Variants in APBB2 observed in about 807,000 individuals in gnomAD.
APBB2 encodes the protein Fe65-like 1.
In APBB2, 38 loss-of-function variants were observed where a neutral mutation model predicts 82.5. The observed-to-expected ratio is 0.46, with a 90% CI of 0.36 to 0.60. The LOEUF is 0.60. APBB2 is among the 20% of genes least tolerant of loss of function. APBB2 has a pLI of 0.00. For synonymous variants in APBB2, 341 were observed against 368.2 expected (o/e 0.93, Z 0.85); for missense variants, 772 against 972.3 (o/e 0.79, Z 2.74).
chr4:41,055,190 C>T (rs922291540), intron 4 of APBB2, among the ~76,000 whole-genome samples: 2 of 152,204 alleles, frequency 1.3e-5, no homozygotes, highest in Non-Finnish European at 2.9e-5. Flanking sequence ...CTTCAGATTG[C>T]AGCTCAAGCA....
intron 6 of APBB2, among the ~76,000 whole-genome samples, chr4:41,004,801 C>T (rs1806229588): frequency 7.6e-6 from 1 of 130,826 alleles, no homozygotes; most frequent in African/African-American, 3.0e-5. Flanking sequence ...CGTGCCACTG[C>T]ACTCCAGCCT....
chr4:40,924,841 C>G (rs1490302202), intron 10 of APBB2, among the ~76,000 whole-genome samples: 1 of 152,228 alleles, frequency 6.6e-6, no homozygotes, highest in Non-Finnish European at 1.5e-5. Flanking sequence ...GAACAGATAA[C>G]AGAAACAATG....
Position 40,886,476 on chromosome 4 carries a change from A to G in APBB2, c.1529+3888T>C, listed in dbSNP as rs143757116. ...GCCTGGGGAACAACAGTGAAACTCC[A>G]TCTCAAAAAGAGAAAAAAAAAACAA... is the stretch of plus-strand genomic sequence containing the variant. On this transcript the variant is annotated intron_variant, in intron 12 of 17. Transcript: ENST00000508593. Among the ~76,000 whole-genome samples the G allele has an allele frequency of 9.3e-3, 1,418 of 152,156 alleles. 22 individuals carry two copies. The highest frequency in any genetic ancestry group is 0.032 in the African/African-American group (1,340 of 41,496).
At chr4:40,971,510 T>A (rs4466078) in intron 6 of APBB2, among the ~76,000 whole-genome samples, 144,844 of 152,310 alleles carry the variant, frequency 0.95, 69,080 homozygotes, top group Middle Eastern at 0.99. Context: ...AAAATGGTTA[T>A]GTCAGCTGCT....
intron 5 of APBB2, among the ~76,000 whole-genome samples, chr4:41,023,813 G>T (rs1000660947): frequency 1.3e-5 from 2 of 152,066 alleles, no homozygotes; most frequent in African/African-American, 4.8e-5. Flanking sequence ...ATTCTTCACA[G>T]AACTAAAGAA....
At chr4:40,980,756 G>C (rs758529204) in intron 6 of APBB2, among the ~76,000 whole-genome samples, 3 of 152,126 alleles carry the variant, frequency 2.0e-5, no homozygotes, top group Non-Finnish European at 4.4e-5. Flanking sequence ...TATAGCTTTG[G>C]GTATAAGGAC....
rs1264649758 is a variant in APBB2, at chr4:40,918,675, C to CCTTCCTTCCTTCCTTCTTTCGGACGA, written c.1254+15755_1254+15780dup. 2.6e-5 allele frequency among the ~76,000 whole-genome samples: 4 copies of CCTTCCTTCCTTCCTTCTTTCGGACGA among 151,444 alleles called. No homozygotes were observed. In the East Asian group the frequency reaches 7.7e-4, roughly 29 times the overall value. On this transcript the variant is annotated intron_variant, in intron 10 of 17. Coordinates refer to ENST00000508593, the MANE Select transcript of APBB2 (RefSeq NM_004307.2). ...AATGGGGGCAGCTTTCTTTCTTTTT[C>CCTTCCTTCCTTCCTTCTTTCGGACGA]CTTCCTTCCTTCCTTCTTTCGGACG...
chr4:41,066,436 A>G (rs1184652413), intron 3 of APBB2, among the ~76,000 whole-genome samples: 2 of 152,222 alleles, frequency 1.3e-5, no homozygotes, highest in Non-Finnish European at 2.9e-5. Context: ...ACAAAGATGA[A>G]TAAGATACCA....
At chr4:40,885,749 G>C (rs1294717618) in intron 12 of APBB2, among the ~76,000 whole-genome samples, 1 of 152,178 alleles carries the variant, frequency 6.6e-6, no homozygotes, top group African/African-American at 2.4e-5. Context: ...AAATGAATGA[G>C]TTTACTAATG....
At chr4:40,857,057 G>A in intron 12 of APBB2, 11 of 985,596 alleles carry the variant, frequency 1.1e-5, no homozygotes, top group Non-Finnish European at 1.3e-5. Flanking sequence ...AAGTCGGGCG[G>A]GGATGCCGCC....
Position 41,072,367 on chromosome 4 carries a change from T to G in APBB2, c.-148-6694A>C, listed in dbSNP as rs561097697. On this transcript the variant is annotated intron_variant, in intron 3 of 17. Transcript: ENST00000508593. ...CTCAAAGGCAGATGGCGGCTAGGCT[T>G]TGGGGATATGTGTCTGCCTTTCACA... Among the ~76,000 whole-genome samples the G allele has an allele frequency of 4.6e-5, 7 of 152,268 alleles. No individual in the cohort carries two copies. In the East Asian group the frequency reaches 1.3e-3, roughly 29 times the overall value.
chr4:40,907,671 C>CTTTT (rs34413606), intron 10 of APBB2, among the ~76,000 whole-genome samples: 1 of 94,860 alleles, frequency 1.1e-5, no homozygotes, highest in Non-Finnish European at 2.0e-5. Flanking sequence ...GTGCCTGACC[C>CTTTT]TTTTTTTTTT....
At chr4:40,888,487 C>A (rs555357588) in intron 12 of APBB2, among the ~76,000 whole-genome samples, 1 of 152,252 alleles carries the variant, frequency 6.6e-6, no homozygotes, top group South Asian at 2.1e-4. Flanking sequence ...TGTAATGTAA[C>A]AAGCTCCACA....
chr4:40,811,485 G>A lies in APBB2; in HGVS notation c.*4607C>T, dbSNP rs1744393085. On this transcript the variant is annotated 3_prime_UTR_variant, in exon 18 of 18. Transcript: ENST00000508593. ...GAGAATTGCTTGAACTTGGGAGGTG[G>A]AGGTTGTGGTGAGCTGAAATTACAC... 1 of 150,298 alleles carries A rather than the reference G, an allele frequency of 6.7e-6. No individual in the cohort carries two copies. The highest frequency in any genetic ancestry group is 1.5e-5 in the Non-Finnish European group (1 of 67,898). The allele number at this position is 150,298 out of a possible 1,614,324, so 9.3% of individuals were successfully genotyped here.
intron 10 of APBB2, 58 bp from the exon 11 acceptor site, chr4:40,893,469 T>C: frequency 6.7e-7 from 1 of 1,499,482 alleles, no homozygotes; most frequent in Non-Finnish European, 9.0e-7. Context: ...ATCATATCAG[T>C]TTACACTACT....
chr4:41,066,552 A>G (rs1299979496), intron 3 of APBB2, among the ~76,000 whole-genome samples: 1 of 152,180 alleles, frequency 6.6e-6, no homozygotes, highest in Non-Finnish European at 1.5e-5. Context: ...CATATCAAGC[A>G]TGGGCGTCTA....
At chr4:40,990,733 AAC>A (rs1801787154) in intron 6 of APBB2, among the ~76,000 whole-genome samples, 1 of 152,202 alleles carries the variant, frequency 6.6e-6, no homozygotes, top group Admixed American at 6.5e-5. Flanking sequence ...ACACAGATTA[AAC>A]AGTGATTCAT....
intron 6 of APBB2, among the ~76,000 whole-genome samples, chr4:41,006,203 AC>A (rs1806681869): frequency 6.6e-6 from 1 of 152,240 alleles, no homozygotes; most frequent in African/African-American, 2.4e-5. Flanking sequence ...AATAAAAAAT[AC>A]TTTTATGCAT....
intron 12 of APBB2, among the ~76,000 whole-genome samples, chr4:40,867,583 A>G (rs982130603): frequency 2.0e-5 from 3 of 152,212 alleles, no homozygotes; most frequent in Non-Finnish European, 4.4e-5. Flanking sequence ...CTGATCATTT[A>G]GTAGGTGAGT....
Sources: allele counts gnomAD v4.1 joint callset (sites outside exome capture counted in the v4.1 genomes callset), GRCh38; gene constraint gnomAD v4.1.1; transcripts MANE v1.5; gene names NCBI Gene and HGNC (gene_info 2026-07-23, HGNC 2026-07-21).